ANAPC7: variants seen among roughly 807,000 people sequenced by gnomAD.
ANAPC7 encodes anaphase promoting complex subunit 7.
Under a neutral mutation model 63.3 loss-of-function variants are expected in ANAPC7, and 25 were observed. That is an observed-to-expected ratio of 0.39 (90% CI 0.29 to 0.55). The LOEUF (loss-of-function observed/expected upper bound fraction) is 0.55, where lower values mean the gene tolerates loss of function less well. ANAPC7 is among the 20% of genes least tolerant of loss of function. The pLI, the probability that ANAPC7 is intolerant of heterozygous loss-of-function variation, is 0.57. For synonymous variants in ANAPC7, 241 were observed against 251.7 expected, an observed-to-expected ratio of 0.96 and a Z score of 0.40; for missense variants, 516 against 691.7, an observed-to-expected ratio of 0.75 and a Z score of 2.85.
chr12:110,381,751 C>T lies in ANAPC7; in HGVS notation c.1132+1G>A, dbSNP rs1881863551. 1.2e-6 allele frequency: 2 copies of T among 1,612,476 alleles called. No homozygotes were observed. The highest frequency in any genetic ancestry group is 1.7e-5 in the Admixed American group (1 of 59,944). On this transcript the variant is annotated splice_donor_variant, in intron 8 of 10. Coordinates refer to ENST00000455511, the MANE Select transcript of ANAPC7 (RefSeq NM_016238.3). LOFTEE classifies it high-confidence loss of function. The stretch of plus-strand genomic sequence containing the variant: ...CCATTCACCTATGTTTTCTTTCTTA[C>T]CTTCATAACAATCTAAGCGACAAGG...
intron 8 of ANAPC7, among the ~76,000 whole-genome samples, chr12:110,380,413 G>A (rs1423203770): frequency 6.6e-6 from 1 of 151,554 alleles, no homozygotes; most frequent in East Asian, 1.9e-4. Context: ...AGAACTTTGG[G>A]AGGCCAAGGC....
intron 7 of ANAPC7, among the ~76,000 whole-genome samples, chr12:110,382,454 AAAAAAAAATATATATATATATATATAT>A (rs1881973523): frequency 1.1e-5 from 1 of 93,666 alleles, no homozygotes; most frequent in African/African-American, 4.2e-5. Context: ...AAAAAAAAAA[AAAAAAAAATATATATATATATATATAT>A]ATATATATAT....
intron 6 of ANAPC7, among the ~76,000 whole-genome samples, chr12:110,384,427 G>A (rs1015435112): frequency 6.7e-6 from 1 of 150,166 alleles, no homozygotes; most frequent in Non-Finnish European, 1.5e-5. Flanking sequence ...AAAGGAGGCC[G>A]GGCACGGTGA....
chr12:110,384,980 C>T (rs772935157), intron 6 of ANAPC7, among the ~76,000 whole-genome samples: 8 of 152,130 alleles, frequency 5.3e-5, no homozygotes, highest in South Asian at 2.1e-4. Flanking sequence ...ATCACTGCCT[C>T]GGGCTGGGTG....
chr12:110,403,573 C>A lies in ANAPC7; in HGVS notation c.55G>T (p.Val19Leu), dbSNP rs769773172. ...AGTAACAAGCTGCTGAGGAGCCGCA[C>A]GTTGGAGTGCAGCCCCGCGGCCGCC... ...DMAAAGLHSN[V>L]RLLSSLLLTM... Residue 19 changes from valine to leucine, a missense_variant, in exon 1 of 11, where the codon GTG (valine) becomes TTG (leucine). By Grantham distance (32) the Val-to-Leu change is conservative. Coordinates refer to ENST00000455511, the MANE Select transcript of ANAPC7 (RefSeq NM_016238.3). 1.9e-6 allele frequency: 3 copies of A among 1,609,086 alleles called. No individual in the cohort carries two copies. In the Admixed American group the frequency reaches 5.1e-5, roughly 27 times the overall value.
At chr12:110,394,131 G>A (rs1396953979) in intron 3 of ANAPC7, among the ~76,000 whole-genome samples, 1 of 151,410 alleles carries the variant, frequency 6.6e-6, no homozygotes, top group Non-Finnish European at 1.5e-5. Flanking sequence ...AGCCGAGATC[G>A]CACCACTGCA....
chr12:110,379,283 C>T (rs1881595270), intron 8 of ANAPC7: 1 of 152,216 alleles, frequency 6.6e-6, no homozygotes, highest in African/African-American at 2.4e-5. Context: ...ACAGAATGCA[C>T]TTGCCTAACC....
At chr12:110,377,906 G>A (rs945315639) in intron 8 of ANAPC7, 67 of 980,374 alleles carry the variant, frequency 6.8e-5, no homozygotes, top group Non-Finnish European at 9.0e-5. Context: ...CACCCCATCT[G>A]ACCACTGGAA....
chr12:110,375,183 CA>C (rs1011504032), intron 10 of ANAPC7, among the ~76,000 whole-genome samples: 3 of 152,200 alleles, frequency 2.0e-5, no homozygotes, highest in Non-Finnish European at 4.4e-5. Flanking sequence ...AAGCCTTCCA[CA>C]TCCTGTACTC....
In ANAPC7 at chr12:110,380,222, A is replaced by G. The variant is rs1029717673; in HGVS notation, c.1132+1530T>C. Among the ~76,000 whole-genome samples the G allele has an allele frequency of 5.0e-4, 75 of 150,610 alleles. 4 individuals carry two copies. Among genetic ancestry groups the G allele is most frequent in the Non-Finnish European group, 3.0e-5 (2 of 67,626 alleles). On this transcript the variant is annotated intron_variant, in intron 8 of 10. Coordinates refer to ENST00000455511, the MANE Select transcript of ANAPC7 (RefSeq NM_016238.3). ...AAAAATGAGCTGGGTGTGGTGGTGT[A>G]TGCCTGTAATCCCAGCTACTCAGGA...
intron 1 of ANAPC7, among the ~76,000 whole-genome samples, chr12:110,401,515 A>G (rs1171905412): frequency 6.6e-6 from 1 of 152,154 alleles, no homozygotes; most frequent in South Asian, 2.1e-4. Flanking sequence ...CTGAAGGAGG[A>G]GGCAACGCTG....
chr12:110,380,106 T>G (rs1377349560), intron 8 of ANAPC7, among the ~76,000 whole-genome samples: 1 of 152,200 alleles, frequency 6.6e-6, no homozygotes, highest in East Asian at 1.9e-4. Flanking sequence ...ATCCCAGCAC[T>G]TTAGGAGGCT....
intron 3 of ANAPC7, among the ~76,000 whole-genome samples, chr12:110,390,691 CA>C (rs1883016994): frequency 6.6e-6 from 1 of 151,928 alleles, no homozygotes; most frequent in South Asian, 2.1e-4. Flanking sequence ...TTTGAAAATG[CA>C]AAGAAAAATA....
intron 1 of ANAPC7, among the ~76,000 whole-genome samples, chr12:110,401,761 G>A (rs1014913664): frequency 2.0e-5 from 3 of 151,780 alleles, no homozygotes; most frequent in African/African-American, 7.3e-5. Context: ...CGAGGCGGGC[G>A]GATCACGAGG....
At position 110,401,950 on chromosome 12, in the gene ANAPC7, CAAAAAAAAAAAAA is replaced by C. The variant is rs747810973; in HGVS notation, c.101+1564_101+1576del. On this transcript the variant is annotated intron_variant, in intron 1 of 10. Transcript: ENST00000455511. The stretch of plus-strand genomic sequence containing the variant: ...GATCGTGCAGAGCGAGACTCCGTCT[CAAAAAAAAAAAAA>C]AAAAAAAAAAAAGACCAGACTGGTC... Among the ~76,000 whole-genome samples, 3 of 46,130 alleles carry C rather than the reference CAAAAAAAAAAAAA, an allele frequency of 6.5e-5. No individual in the cohort carries two copies. In the Admixed American group the frequency reaches 7.2e-4, roughly 11 times the overall value. 30.3% of individuals were successfully genotyped at this position (46,130 alleles called of 152,430 possible).
At chr12:110,381,726 C>A in intron 8 of ANAPC7, 26 bp downstream of exon 8, 2 of 1,608,646 alleles carry the variant, frequency 1.2e-6, no homozygotes, top group Non-Finnish European at 1.7e-6. Flanking sequence ...CGGATTCACA[C>A]CATTCACCTA....
chr12:110,401,991 T>C (rs1393616536), intron 1 of ANAPC7, among the ~76,000 whole-genome samples: 2 of 118,382 alleles, frequency 1.7e-5, no homozygotes, highest in African/African-American at 3.2e-5. Context: ...GACTGGTCAA[T>C]ATAGTGAAAC....
chr12:110,383,081 C>G, intron 6 of ANAPC7, 121 bp from the exon 7 acceptor site: 3 of 643,080 alleles, frequency 4.7e-6, no homozygotes, highest in South Asian at 2.2e-5. Context: ...AGGGGCTAAG[C>G]CCTTTCCACC....
intron 1 of ANAPC7, among the ~76,000 whole-genome samples, chr12:110,401,677 G>C (rs1314193061): frequency 6.6e-6 from 1 of 152,044 alleles, no homozygotes; most frequent in Admixed American, 6.6e-5. Flanking sequence ...GATCACCAGA[G>C]GTCAGGAGTT....
Sources: gnomAD v4.1 joint callset for allele counts (sites outside exome capture counted in the v4.1 genomes callset) on GRCh38, gnomAD v4.1.1 for gene constraint, MANE v1.5 for transcripts, NCBI Gene and HGNC (gene_info 2026-07-23, HGNC 2026-07-21) for gene names.